The following CRK variants were observed in gnomAD, a reference collection of about 807,000 sequenced individuals.
CRK encodes the protein adapter molecule crk.
In CRK, 4 loss-of-function variants were observed where a neutral mutation model predicts 29.8. That is an observed-to-expected ratio of 0.13 (90% CI 0.07 to 0.31). The LOEUF (loss-of-function observed/expected upper bound fraction) is 0.31, where lower values mean the gene tolerates loss of function less well. Among genes scored for constraint, CRK ranks in the 10% least tolerant of loss-of-function variants. CRK has a pLI of 1.00. For missense variants in CRK, 274 were observed against 396.5 expected (o/e 0.69, Z 2.62); for synonymous variants, 153 against 164.9 (o/e 0.93, Z 0.55).
At chr17:1,440,857 T>G (rs2073929836) in intron 1 of CRK, among the ~76,000 whole-genome samples, 1 of 152,174 alleles carries the variant, frequency 6.6e-6, no homozygotes, top group African/African-American at 2.4e-5. Context: ...TGAGTCGTGA[T>G]CATGCCACTG....
At chr17:1,454,699 A>G (rs1037829478) in intron 1 of CRK, among the ~76,000 whole-genome samples, 13 of 152,170 alleles carry the variant, frequency 8.5e-5, no homozygotes, top group African/African-American at 3.1e-4. Context: ...GCTGGCCAAG[A>G]AGAAACTGCT....
At chr17:1,430,654 C>T (rs1043683943) in intron 2 of CRK, among the ~76,000 whole-genome samples, 77 of 151,568 alleles carry the variant, frequency 5.1e-4, no homozygotes, top group Middle Eastern at 3.4e-3. Flanking sequence ...CGTGAGCCAC[C>T]ACACCCAGCC....
intron 1 of CRK, among the ~76,000 whole-genome samples, chr17:1,447,552 C>G (rs559676924): frequency 1.4e-4 from 21 of 151,220 alleles, no homozygotes; most frequent in South Asian, 4.2e-4. Context: ...TCACTTCTGA[C>G]GGGTCTACAA....
At chr17:1,446,162 GGA>G (rs1400120026) in intron 1 of CRK, among the ~76,000 whole-genome samples, 1 of 152,142 alleles carries the variant, frequency 6.6e-6, no homozygotes, top group African/African-American at 2.4e-5. Context: ...CAGCATTGTT[GGA>G]GATAACACAG....
intron 2 of CRK, among the ~76,000 whole-genome samples, chr17:1,425,763 CCT>C (rs2073773215): frequency 6.6e-6 from 1 of 152,202 alleles, no homozygotes. Flanking sequence ...CCTATTGGCC[CCT>C]CTGTTGTTTC....
chr17:1,430,449 C>T (rs1485089510), intron 2 of CRK, among the ~76,000 whole-genome samples: 4 of 151,402 alleles, frequency 2.6e-5, no homozygotes, highest in Non-Finnish European at 4.4e-5. Flanking sequence ...CTCCGCCTCC[C>T]GGGTTCACGC....
intron 1 of CRK, among the ~76,000 whole-genome samples, chr17:1,452,968 G>T (rs1388636912): frequency 6.6e-6 from 1 of 152,004 alleles, no homozygotes; most frequent in African/African-American, 2.4e-5. Flanking sequence ...AGTTAACCAG[G>T]CATGGTGGAT....
chr17:1,452,036 C>A (rs2074022237), intron 1 of CRK, among the ~76,000 whole-genome samples: 1 of 152,000 alleles, frequency 6.6e-6, no homozygotes, highest in African/African-American at 2.4e-5. Context: ...AGGGCAGAGG[C>A]AAAGTATTGA....
intron 2 of CRK, among the ~76,000 whole-genome samples, chr17:1,433,467 T>C (rs1259346123): frequency 7.4e-6 from 1 of 135,544 alleles, no homozygotes; most frequent in African/African-American, 2.8e-5. Flanking sequence ...TACCTCAGCC[T>C]CCCAAGCAGC....
At position 1,437,058 on chromosome 17, in the gene CRK, C is replaced by T. The variant is rs201648872; in HGVS notation, c.339G>A (p.Thr113=). Residue 113 remains threonine, a synonymous_variant, in exon 2 of 3, where the codon ACG becomes ACA. Transcript: ENST00000300574. ...FYKIHYLDTT[T]LIEPVSRSRQ... ...TGGATCTGGAAACTGGTTCTATCAA[C>T]GTTGTAGTGTCCAAATAGTGTATTT... is the stretch of plus-strand genomic sequence containing the variant. The T allele has an allele frequency of 6.8e-5, 109 of 1,614,156 alleles. No homozygotes were observed. The highest frequency in any genetic ancestry group is 4.2e-4 in the East Asian group (19 of 44,884).
intron 2 of CRK, chr17:1,426,592 G>C (rs956562433): frequency 6.6e-6 from 1 of 152,132 alleles, no homozygotes; most frequent in African/African-American, 2.4e-5. Context: ...TTGGCTGGGC[G>C]TGGTGGCGCA....
chr17:1,441,021 T>C (rs7211539), intron 1 of CRK, among the ~76,000 whole-genome samples: 22,106 of 152,100 alleles, frequency 0.15, 2,111 homozygotes, highest in African/African-American at 0.26. Context: ...GTGCAACCTC[T>C]ACCTCCCAGG....
At chr17:1,450,455 C>G (rs941277354) in intron 1 of CRK, among the ~76,000 whole-genome samples, 1 of 151,492 alleles carries the variant, frequency 6.6e-6, no homozygotes, top group Admixed American at 6.6e-5. Flanking sequence ...TTCAGTGAGC[C>G]GAGATCGCGC....
Position 1,436,758 on chromosome 17 carries a change from C to G in CRK, c.639G>C (p.Leu213=). 6.3e-7 allele frequency: 1 copy of G among 1,590,256 alleles called. No homozygotes were observed. Among genetic ancestry groups the G allele is most frequent in the South Asian group, 1.2e-5 (1 of 86,802 alleles). ...GNQEGSHPQP[L]GGPEPGPYAQ... ...CATAGGGCCCAGGCTCCGGCCCACC[C>G]AGTGGCTGTGGGTGGGAACCCTCCT... The change falls in exon 2 of 3, where the codon CTG becomes CTC. Residue 213 remains leucine, a synonymous_variant. Coordinates refer to ENST00000300574, the MANE Select transcript of CRK (RefSeq NM_016823.4).
intron 1 of CRK, among the ~76,000 whole-genome samples, chr17:1,448,519 A>G (rs1472507080): frequency 1.4e-5 from 2 of 146,040 alleles, no homozygotes; most frequent in East Asian, 4.2e-4. Context: ...GCTGCTGGGG[A>G]GGCTGAGGCA....
rs1397433035 is a variant in CRK, at chr17:1,433,508, GC to G, written c.777+3111del. On this transcript the variant is annotated intron_variant, in intron 2 of 2. Transcript: ENST00000300574. ...CCACAGGTGCACACCACCACGCCTG[GC>G]TTTTTTTTTTTTTTTTTTTTTTTTT... Among the ~76,000 whole-genome samples the G allele has an allele frequency of 5.7e-4, 65 of 114,368 alleles. 2 individuals are homozygous for G. Among genetic ancestry groups the G allele is most frequent in the African/African-American group, 2.1e-3 (60 of 28,014 alleles). The allele number at this position is 114,368 out of a possible 152,430, so 75.0% of individuals were successfully genotyped here.
At chr17:1,428,560 G>GT (rs2073804923) in intron 2 of CRK, among the ~76,000 whole-genome samples, 1 of 115,870 alleles carries the variant, frequency 8.6e-6, no homozygotes, top group Admixed American at 1.2e-4. Flanking sequence ...GTCTCACTCT[G>GT]TTGCCCTGGC....
intron 1 of CRK, among the ~76,000 whole-genome samples, chr17:1,438,187 T>G (rs9914445): frequency 0.032 from 4,938 of 152,206 alleles, 236 homozygotes; most frequent in African/African-American, 0.11. Flanking sequence ...TGGAGTGCAG[T>G]GGCACAATCA....
intron 1 of CRK, 80 bp from the exon 2 acceptor site, chr17:1,437,235 A>G: frequency 7.0e-7 from 1 of 1,427,806 alleles, no homozygotes; most frequent in Non-Finnish European, 9.3e-7. Flanking sequence ...TATTTTTTTT[A>G]GAGTTGGGAT....
Sources: allele counts gnomAD v4.1 joint callset (sites outside exome capture counted in the v4.1 genomes callset), GRCh38; gene constraint gnomAD v4.1.1; transcripts MANE v1.5; gene names NCBI Gene and HGNC (gene_info 2026-07-23, HGNC 2026-07-21).